Variants in GRM5 observed in about 807,000 individuals in gnomAD.
GRM5 encodes the protein glutamate metabotropic receptor 5.
A neutral mutation model predicts 83.1 loss-of-function variants in GRM5; 19 were observed. The observed-to-expected ratio is 0.23, with a 90% CI of 0.16 to 0.34. The LOEUF is 0.34. GRM5 is among the 10% of genes least tolerant of loss of function. The probability of loss-of-function intolerance (pLI) is 1.00; values close to 1 mark genes in which losing one functional copy is unlikely to be tolerated. For missense variants in GRM5, 1,160 were observed against 1,588.3 expected (o/e 0.73, Z 4.58); for synonymous variants, 675 against 633.6 (o/e 1.07, Z -0.98).
chr11:88,660,349 T>C (rs948091127), intron 3 of GRM5, among the ~76,000 whole-genome samples: 1 of 152,206 alleles, frequency 6.6e-6, no homozygotes, highest in African/African-American at 2.4e-5. Context: ...AATTCTTACA[T>C]TTATAATCTC....
intron 2 of GRM5, among the ~76,000 whole-genome samples, chr11:88,931,608 T>G (rs1041826862): frequency 2.0e-5 from 3 of 152,124 alleles, no homozygotes; most frequent in African/African-American, 7.2e-5. Context: ...CAGAGACTTG[T>G]GAATTTCTAG....
chr11:88,651,164 T>C (rs576929279), intron 4 of GRM5, among the ~76,000 whole-genome samples: 7 of 152,084 alleles, frequency 4.6e-5, no homozygotes, highest in Non-Finnish European at 8.8e-5. Context: ...ATAGAAATAA[T>C]ATTTTCATGG....
chr11:89,035,023 G>A (rs1399644377), intron 2 of GRM5, among the ~76,000 whole-genome samples: 2 of 151,100 alleles, frequency 1.3e-5, no homozygotes, highest in Admixed American at 1.3e-4. Context: ...ACATGTTTTT[G>A]TATCCTCTGA....
chr11:88,531,939 C>A (rs1378404112), intron 8 of GRM5, among the ~76,000 whole-genome samples: 1 of 152,040 alleles, frequency 6.6e-6, no homozygotes, highest in African/African-American at 2.4e-5. Context: ...CATTCCTAAG[C>A]TAGCTGTCAT....
In GRM5 at chr11:88,506,707, A is replaced by T. The variant is rs1941191560; in HGVS notation, c.*1885T>A. 1 of 152,162 alleles carries T rather than the reference A, an allele frequency of 6.6e-6. No homozygotes were observed. Among genetic ancestry groups the T allele is most frequent in the South Asian group, 2.1e-4 (1 of 4,828 alleles). The allele number at this position is 152,162 out of a possible 1,614,324, so 9.4% of individuals were successfully genotyped here. A position where few individuals can be genotyped will look rare whatever the true frequency, so the allele number is the denominator to read the frequency against. ...ATTGGGAGGTTTGACTTAAAGTTGCAAGTAAGAACAAATAGCAGAAAAGAA... is the reference window on the plus strand; with the variant it reads ...ATTGGGAGGTTTGACTTAAAGTTGCTAGTAAGAACAAATAGCAGAAAAGAA... On this transcript the variant is annotated 3_prime_UTR_variant, in exon 10 of 10. Transcript: ENST00000305447.
At chr11:88,614,326 G>A (rs1938410729) in intron 4 of GRM5, among the ~76,000 whole-genome samples, 1 of 152,124 alleles carries the variant, frequency 6.6e-6, no homozygotes, top group African/African-American at 2.4e-5. Context: ...TTATAGAAAA[G>A]TCATAGGTAC....
At chr11:88,678,137 C>T (rs570041498) in intron 3 of GRM5, among the ~76,000 whole-genome samples, 28 of 151,820 alleles carry the variant, frequency 1.8e-4, no homozygotes, top group African/African-American at 6.8e-4. Flanking sequence ...TAGCTCTCTG[C>T]AGCCTCAAAC....
chr11:88,896,334 A>G (rs952885095), intron 2 of GRM5, among the ~76,000 whole-genome samples: 10 of 151,946 alleles, frequency 6.6e-5, no homozygotes, highest in African/African-American at 2.4e-4. Flanking sequence ...GAAGATAACA[A>G]CAAAGATTTC....
intron 3 of GRM5, among the ~76,000 whole-genome samples, chr11:88,808,614 T>C (rs1465174933): frequency 2.0e-5 from 3 of 151,960 alleles, no homozygotes; most frequent in Non-Finnish European, 2.9e-5. Flanking sequence ...CATTGTAACA[T>C]AGTGACCATA....
At position 88,655,577 on chromosome 11, in the gene GRM5, T is replaced by C. The variant is rs118173795; in HGVS notation, c.912-2174A>G. The stretch of plus-strand genomic sequence containing the variant: ...TTTAACAGGGATTGTAAAAAGTTTG[T>C]CTTGATAAACTTTTTTGCAGGTGAT... On this transcript the variant is annotated intron_variant, in intron 3 of 9. Transcript: ENST00000305447. Among the ~76,000 whole-genome samples the C allele has an allele frequency of 3.7e-3, 556 of 152,216 alleles. 2 individuals are homozygous for C. Among genetic ancestry groups the C allele is most frequent in the Non-Finnish European group, 6.7e-3 (455 of 68,006 alleles).
intron 2 of GRM5, among the ~76,000 whole-genome samples, chr11:88,975,151 C>T (rs1425734161): frequency 1.3e-5 from 2 of 151,998 alleles, no homozygotes; most frequent in African/African-American, 4.8e-5. Flanking sequence ...CAGGTAGGTG[C>T]TAGTTAAAGC....
chr11:88,859,912 C>T (rs1282768017), intron 2 of GRM5, among the ~76,000 whole-genome samples: 1 of 152,100 alleles, frequency 6.6e-6, no homozygotes, highest in Non-Finnish European at 1.5e-5. Flanking sequence ...GTTTAAATCT[C>T]AGAGCCTTTC....
intron 3 of GRM5, among the ~76,000 whole-genome samples, chr11:88,769,631 T>A (rs967115787): frequency 1.3e-5 from 2 of 151,870 alleles, no homozygotes; most frequent in African/African-American, 4.8e-5. Flanking sequence ...TGGCAGTATG[T>A]CAAAAAGGCA....
chr11:88,533,897 G>A (rs1161522075), intron 8 of GRM5, among the ~76,000 whole-genome samples: 1 of 152,066 alleles, frequency 6.6e-6, no homozygotes, highest in African/African-American at 2.4e-5. Context: ...GGGACTTGGT[G>A]CCCTGCATCC....
intron 2 of GRM5, among the ~76,000 whole-genome samples, chr11:88,868,225 G>A (rs773234829): frequency 2.6e-5 from 4 of 151,764 alleles, no homozygotes; most frequent in Non-Finnish European, 4.4e-5. Context: ...CTTCTCAGTA[G>A]GCAATCATAA....
intron 4 of GRM5, among the ~76,000 whole-genome samples, chr11:88,624,200 T>C (rs963593443): frequency 2.6e-5 from 4 of 152,144 alleles, no homozygotes; most frequent in African/African-American, 9.7e-5. Flanking sequence ...TTAAAGAAAA[T>C]GCAAACATCA....
chr11:88,942,337 T>G (rs1303065618), intron 2 of GRM5, among the ~76,000 whole-genome samples: 1 of 152,038 alleles, frequency 6.6e-6, no homozygotes, highest in African/African-American at 2.4e-5. Context: ...TGGTGAGGGA[T>G]ATATGAGTAT....
intron 2 of GRM5, among the ~76,000 whole-genome samples, chr11:88,964,490 C>T (rs542181793): frequency 6.6e-6 from 1 of 152,174 alleles, no homozygotes; most frequent in East Asian, 1.9e-4. Flanking sequence ...ACAGCAAGTT[C>T]ACAAATTTTA....
chr11:88,799,505 T>C (rs1943348612), intron 3 of GRM5, among the ~76,000 whole-genome samples: 1 of 152,150 alleles, frequency 6.6e-6, no homozygotes, highest in African/African-American at 2.4e-5. Context: ...GAACAAATTA[T>C]GTTTTATTAT....
Sources: allele counts gnomAD v4.1 joint callset (sites outside exome capture counted in the v4.1 genomes callset), GRCh38; gene constraint gnomAD v4.1.1; transcripts MANE v1.5; gene names NCBI Gene and HGNC (gene_info 2026-07-23, HGNC 2026-07-21).